Variants in CGGBP1 observed in about 807,000 individuals in gnomAD.
CGGBP1 encodes the protein CGG triplet repeat-binding protein 1.
In CGGBP1, 4 loss-of-function variants were observed where a neutral mutation model predicts 11.4. The observed-to-expected ratio is 0.35, with a 90% confidence interval of 0.17 to 0.80. CGGBP1 has a LOEUF of 0.80. Ranked by LOEUF, CGGBP1 falls within the 30% of genes least tolerant of loss-of-function variation. CGGBP1 has a pLI of 0.52. For synonymous variants in CGGBP1, 76 were observed against 74.1 expected (o/e 1.03, Z -0.13); for missense variants, 135 against 202.1 (o/e 0.67, Z 2.01).
intron 2 of CGGBP1, chr3:88,095,566 A>G: frequency 1.9e-6 from 1 of 519,898 alleles, no homozygotes; most frequent in South Asian, 1.4e-5. Flanking sequence ...CCATTTCATT[A>G]AAAACATAAA....
chr3:88,140,733 C>T, intron 2 of CGGBP1: 1 of 1,613,700 alleles, frequency 6.2e-7, no homozygotes, highest in South Asian at 1.1e-5. Context: ...CAACACCTTG[C>T]CAGTATCTCA....
At chr3:88,080,567 A>G (rs1708025734) in intron 2 of CGGBP1, among the ~76,000 whole-genome samples, 2 of 152,280 alleles carry the variant, frequency 1.3e-5, no homozygotes, top group African/African-American at 4.8e-5. Context: ...CTAATAAGTG[A>G]CAGAGCTGGA....
chr3:88,098,726 A>G (rs898632522), intron 2 of CGGBP1, among the ~76,000 whole-genome samples: 92 of 152,218 alleles, frequency 6.0e-4, no homozygotes, highest in Non-Finnish European at 2.1e-4. Flanking sequence ...ACCAAAGACA[A>G]AAACCACATG....
At chr3:88,058,440 GC>G (rs1399490874) in intron 1 of CGGBP1, among the ~76,000 whole-genome samples, 1 of 152,112 alleles carries the variant, frequency 6.6e-6, no homozygotes, top group African/African-American at 2.4e-5. Flanking sequence ...AGCTCCCCAG[GC>G]CCGGGGGTTC....
intron 2 of CGGBP1, among the ~76,000 whole-genome samples, chr3:88,072,318 T>A (rs114522189): frequency 0.019 from 2,841 of 152,260 alleles, 95 homozygotes; most frequent in African/African-American, 0.064. Context: ...TACACAGCAG[T>A]CAATGTGATC....
At chr3:88,139,896 G>C in intron 2 of CGGBP1, 1 of 1,612,974 alleles carries the variant, frequency 6.2e-7, no homozygotes, top group Non-Finnish European at 8.5e-7. Flanking sequence ...CACAGATCAA[G>C]AAGGAAACTT....
intron 1 of CGGBP1, among the ~76,000 whole-genome samples, chr3:88,144,909 T>C (rs1387070668): frequency 6.6e-6 from 1 of 152,034 alleles, no homozygotes; most frequent in Non-Finnish European, 1.5e-5. Flanking sequence ...GTTGACAGAA[T>C]TCTGTTTTTA....
intron 2 of CGGBP1, among the ~76,000 whole-genome samples, chr3:88,071,874 A>G (rs576411583): frequency 6.6e-6 from 1 of 152,302 alleles, no homozygotes; most frequent in African/African-American, 2.4e-5. Flanking sequence ...TACTTTTAAG[A>G]CTTTTTATCT....
chr3:88,061,715 G>T (rs986951670), upstream of CGGBP1, among the ~76,000 whole-genome samples: 1 of 152,056 alleles, frequency 6.6e-6, no homozygotes, highest in Non-Finnish European at 1.5e-5. Flanking sequence ...GGGAAGCAGG[G>T]GGATTATTTA....
At chr3:88,143,433 A>G (rs1427122352) in intron 1 of CGGBP1, 2 of 152,390 alleles carry the variant, frequency 1.3e-5, no homozygotes, top group East Asian at 3.9e-4. Context: ...GTATTTCTTG[A>G]TACTAAAAAT....
rs1388196208 is a variant in CGGBP1 at position 88,126,176 on chromosome 3, G to A, written c.-229+14794C>T. On this transcript the variant is annotated intron_variant, in intron 2 of 3. Transcript: ENST00000462901. The stretch of plus-strand genomic sequence containing the variant: ...CCGCAGATATGGAAATGTGAATCTG[G>A]AACTGGTGACTCGAATCATTAGAGA... 35 of 1,524,868 alleles carry A rather than the reference G, an allele frequency of 2.3e-5. No homozygotes were observed. The East Asian group carries it at 8.6e-4, about 37-fold the overall frequency. 94.5% of individuals were successfully genotyped at this position (1,524,868 alleles called of 1,614,324 possible).
intron 2 of CGGBP1, among the ~76,000 whole-genome samples, chr3:88,136,348 G>A (rs1706783056): frequency 2.0e-5 from 3 of 152,120 alleles, no homozygotes; most frequent in African/African-American, 4.8e-5. Context: ...AAAATTCAAA[G>A]ATGAAATAAG....
At chr3:88,074,753 T>C (rs1359684807) in intron 2 of CGGBP1, among the ~76,000 whole-genome samples, 3 of 152,202 alleles carry the variant, frequency 2.0e-5, no homozygotes, top group Non-Finnish European at 2.9e-5. Context: ...TCAACTATAC[T>C]ATGTACTAAA....
chr3:88,082,824 G>C (rs1451570996), intron 2 of CGGBP1, among the ~76,000 whole-genome samples: 1 of 152,164 alleles, frequency 6.6e-6, no homozygotes, highest in Non-Finnish European at 1.5e-5. Context: ...AAAATGCTTG[G>C]TGGCTTAAAC....
intron 2 of CGGBP1, among the ~76,000 whole-genome samples, chr3:88,107,159 C>T (rs566513666): frequency 5.2e-4 from 79 of 152,206 alleles, no homozygotes; most frequent in Non-Finnish European, 1.0e-3. Context: ...GGGAATTTAG[C>T]TCTTAACTTA....
At chr3:88,105,902 G>A (rs1172565025) in intron 2 of CGGBP1, among the ~76,000 whole-genome samples, 1 of 152,192 alleles carries the variant, frequency 6.6e-6, no homozygotes, top group African/African-American at 2.4e-5. Flanking sequence ...ATGAGGGCCT[G>A]CCCTCACAGG....
At chr3:88,110,168 A>G (rs1705002589) in intron 2 of CGGBP1, among the ~76,000 whole-genome samples, 1 of 152,146 alleles carries the variant, frequency 6.6e-6, no homozygotes, top group Admixed American at 6.6e-5. Flanking sequence ...AGAGGTAGTT[A>G]CTATTATTGT....
chr3:88,072,761 T>C (rs1044123774), intron 2 of CGGBP1, among the ~76,000 whole-genome samples: 2 of 152,120 alleles, frequency 1.3e-5, no homozygotes, highest in Admixed American at 1.3e-4. Context: ...CACAAAAAAA[T>C]GAAAGCATCA....
chr3:88,115,889 G>C (rs764914526), intron 2 of CGGBP1, among the ~76,000 whole-genome samples: 2 of 152,140 alleles, frequency 1.3e-5, no homozygotes, highest in Non-Finnish European at 2.9e-5. Context: ...AATGATAAAT[G>C]CTGGAAATTA....
Sources: allele counts gnomAD v4.1 joint callset (sites outside exome capture counted in the v4.1 genomes callset), GRCh38; gene constraint gnomAD v4.1.1; transcripts MANE v1.5; gene names NCBI Gene and HGNC (gene_info 2026-07-23, HGNC 2026-07-21).